Variants in ZNF385D observed in about 807,000 individuals in gnomAD.
ZNF385D encodes zinc finger protein 659.
In ZNF385D, 15 loss-of-function variants were observed where a neutral mutation model predicts 35.8. The observed-to-expected ratio is 0.42, with a 90% CI of 0.28 to 0.64. ZNF385D has a LOEUF of 0.64. ZNF385D is among the 30% of genes least tolerant of loss of function. The pLI, the probability that ZNF385D is intolerant of heterozygous loss-of-function variation, is 0.23. For synonymous variants in ZNF385D, 212 were observed against 186.8 expected, an observed-to-expected ratio of 1.13 and a Z score of -1.10; for missense variants, 474 against 494.6, an observed-to-expected ratio of 0.96 and a Z score of 0.39.
At chr3:21,907,395 T>G (rs1699735736) in intron 3 of ZNF385D, among the ~76,000 whole-genome samples, 1 of 152,160 alleles carries the variant, frequency 6.6e-6, no homozygotes, top group Non-Finnish European at 1.5e-5. Flanking sequence ...TATCTTTTTT[T>G]GTATAATAAA....
intron 3 of ZNF385D, among the ~76,000 whole-genome samples, chr3:21,929,371 A>C (rs917650274): frequency 6.6e-6 from 1 of 152,110 alleles, no homozygotes; most frequent in African/African-American, 2.4e-5. Flanking sequence ...ACATAATAAT[A>C]AAAATTGAAT....
intron 2 of ZNF385D, among the ~76,000 whole-genome samples, chr3:22,335,910 T>C (rs1695140040): frequency 6.6e-6 from 1 of 152,188 alleles, no homozygotes; most frequent in Non-Finnish European, 1.5e-5. Context: ...GTGTTTAGTA[T>C]AAAGTATAGC....
chr3:21,904,155 T>G (rs1699553469), intron 3 of ZNF385D, among the ~76,000 whole-genome samples: 2 of 151,774 alleles, frequency 1.3e-5, no homozygotes, highest in Non-Finnish European at 2.9e-5. Context: ...AACACAAAAA[T>G]TAGCTGGGTG....
At chr3:22,312,580 A>C (rs1170572611) in intron 2 of ZNF385D, among the ~76,000 whole-genome samples, 1 of 151,926 alleles carries the variant, frequency 6.6e-6, no homozygotes, top group African/African-American at 2.4e-5. Context: ...ACCCCATCAA[A>C]AAGTGGGTGA....
chr3:21,711,056 T>TTTTTTTTTTTTTTG, intron 1 of ZNF385D, among the ~76,000 whole-genome samples: 1 of 141,900 alleles, frequency 7.0e-6, no homozygotes, highest in African/African-American at 2.7e-5. Context: ...TTTTTTTTTT[T>TTTTTTTTTTTTTTG]TTTGAGATGG....
chr3:21,460,401 G>A (rs1170830217), intron 4 of ZNF385D, among the ~76,000 whole-genome samples: 2 of 152,120 alleles, frequency 1.3e-5, no homozygotes, highest in African/African-American at 4.8e-5. Flanking sequence ...ACAGTGGGTG[G>A]ATAATGAATA....
intron 2 of ZNF385D, among the ~76,000 whole-genome samples, chr3:21,584,782 T>G (rs1175256822): frequency 1.3e-5 from 2 of 152,216 alleles, no homozygotes; most frequent in Non-Finnish European, 2.9e-5. Flanking sequence ...GCTTTCTGCC[T>G]TATTCATCCA....
intron 3 of ZNF385D, among the ~76,000 whole-genome samples, chr3:21,760,784 G>C (rs183290323): frequency 2.9e-3 from 436 of 152,254 alleles, no homozygotes; most frequent in Non-Finnish European, 4.8e-3. Context: ...ATTTAACTGA[G>C]AGAACAAAGC....
chr3:22,150,106 A>G (rs1411563374), intron 3 of ZNF385D, among the ~76,000 whole-genome samples: 1 of 152,204 alleles, frequency 6.6e-6, no homozygotes, highest in Admixed American at 6.5e-5. Flanking sequence ...TTTCCCAAGA[A>G]TCTCATTAAA....
intron 2 of ZNF385D, among the ~76,000 whole-genome samples, chr3:22,270,697 T>G (rs951987457): frequency 5.5e-4 from 83 of 152,114 alleles, no homozygotes; most frequent in African/African-American, 1.9e-3. Flanking sequence ...ATAACCTAGA[T>G]GATTTGTGCT....
chr3:21,932,579 T>G (rs544913662), intron 3 of ZNF385D, among the ~76,000 whole-genome samples: 1 of 151,972 alleles, frequency 6.6e-6, no homozygotes, highest in Non-Finnish European at 1.5e-5. Context: ...GCTGATTACG[T>G]GGGGAGACAA....
At chr3:21,952,569 A>G (rs1575995978) in intron 3 of ZNF385D, among the ~76,000 whole-genome samples, 1 of 152,136 alleles carries the variant, frequency 6.6e-6, no homozygotes, top group African/African-American at 2.4e-5. Flanking sequence ...CCTAAACCTC[A>G]GTTTTCTCAC....
At chr3:21,809,849 C>A (rs1321668939) in intron 3 of ZNF385D, among the ~76,000 whole-genome samples, 1 of 151,750 alleles carries the variant, frequency 6.6e-6, no homozygotes. Flanking sequence ...CAAAAGCTAA[C>A]AGATAACCTG....
At chr3:21,754,066 C>T (rs1159204708), upstream of ZNF385D, among the ~76,000 whole-genome samples, 1 of 152,184 alleles carries the variant, frequency 6.6e-6, no homozygotes, top group African/African-American at 2.4e-5. Flanking sequence ...ATATATGCGA[C>T]ATCTTTGTTA....
intron 2 of ZNF385D, among the ~76,000 whole-genome samples, chr3:21,567,603 C>G (rs2063195511): frequency 6.6e-6 from 1 of 152,060 alleles, no homozygotes; most frequent in Non-Finnish European, 1.5e-5. Context: ...AGGTCATTGA[C>G]TTACAGGTAG....
chr3:22,111,902 A>C (rs557174331), intron 3 of ZNF385D, among the ~76,000 whole-genome samples: 4 of 152,294 alleles, frequency 2.6e-5, no homozygotes, highest in African/African-American at 9.6e-5. Flanking sequence ...TGAAAAGCAC[A>C]GAAGAAAATA....
intron 2 of ZNF385D, among the ~76,000 whole-genome samples, chr3:21,597,934 A>C (rs1277673805): frequency 2.6e-5 from 4 of 152,160 alleles, no homozygotes; most frequent in Non-Finnish European, 5.9e-5. Flanking sequence ...TCCAGGCAGC[A>C]CTTAATGGGT....
intron 2 of ZNF385D, among the ~76,000 whole-genome samples, chr3:21,565,713 G>T (rs2063119913): frequency 6.6e-6 from 1 of 152,184 alleles, no homozygotes; most frequent in Non-Finnish European, 1.5e-5. Context: ...CACATGTGAA[G>T]ATCAAGGTTA....
intron 2 of ZNF385D, among the ~76,000 whole-genome samples, chr3:22,194,690 T>G (rs1429986976): frequency 6.6e-6 from 1 of 151,938 alleles, no homozygotes; most frequent in African/African-American, 2.4e-5. Context: ...ACCTGGCAAT[T>G]ACTAATCTGT....
Sources: allele counts gnomAD v4.1 joint callset (sites outside exome capture counted in the v4.1 genomes callset), GRCh38; gene constraint gnomAD v4.1.1; transcripts MANE v1.5; gene names NCBI Gene and HGNC (gene_info 2026-07-23, HGNC 2026-07-21).